EPOR: variants seen among roughly 807,000 people sequenced by gnomAD.
EPOR encodes erythropoietin receptor.
In EPOR, 20 loss-of-function variants were observed where a neutral mutation model predicts 34.3. The ratio of observed to expected loss-of-function variants is 0.58; its 90% CI spans 0.41 to 0.85. EPOR has a LOEUF of 0.85. EPOR is among the 40% of genes least tolerant of loss of function. The pLI, the probability that EPOR is intolerant of heterozygous loss-of-function variation, is 0.00. For missense variants in EPOR, 601 were observed against 672.7 expected, an observed-to-expected ratio of 0.89 and a Z score of 1.18; for synonymous variants, 312 against 299.0, an observed-to-expected ratio of 1.04 and a Z score of -0.45.
chr19:11,381,287 C>A lies in EPOR; in HGVS notation c.586-78G>T. The A allele has an allele frequency of 6.8e-7, 1 of 1,474,948 alleles. No homozygotes were observed. Among genetic ancestry groups the A allele is most frequent in the South Asian group, 1.2e-5 (1 of 82,588 alleles). 91.4% of individuals were successfully genotyped at this position (1,474,948 alleles called of 1,614,324 possible). A position where few individuals can be genotyped will look rare whatever the true frequency, so the allele number is the denominator to read the frequency against. The stretch of plus-strand genomic sequence containing the variant: ...GGGGGCGGGCCCTGGTGGAACTGAG[C>A]CAATCAGGGGAAAGGAAAACGGTGC... On this transcript the variant is annotated intron_variant, in intron 4 of 7. Coordinates refer to ENST00000222139, the MANE Select transcript of EPOR (RefSeq NM_000121.4). The surrounding 1 kb of genome is among the most constrained non-coding windows in gnomAD (Gnocchi z 5.3).
intron 1 of EPOR, 50 bp downstream of exon 1, chr19:11,384,043 C>G: frequency 4.0e-6 from 5 of 1,261,634 alleles, no homozygotes; most frequent in Non-Finnish European, 5.7e-6. Context: ...CAGGCCCCAG[C>G]ATGGTCCTGC....
In EPOR at chr19:11,378,811, A is replaced by G. The variant is rs776257341; in HGVS notation, c.828-33T>C. On this transcript the variant is annotated intron_variant, in intron 6 of 7. Coordinates refer to ENST00000222139, the MANE Select transcript of EPOR (RefSeq NM_000121.4). This position sits in a 1 kb window ranked among gnomAD's most constrained non-coding sequence, Gnocchi z 5.3. ...AGCCAATATAAATAGTTACATAGAT[A>G]TGACTCATTGAATACTCACCAATTC... 1.6e-5 allele frequency: 25 copies of G among 1,602,592 alleles called. No individual in the cohort carries two copies. In the South Asian group the frequency reaches 2.1e-4, roughly 13 times the overall value.
At position 11,378,372 on chromosome 19, in the gene EPOR, G is replaced by C; in HGVS notation, c.1139C>G (p.Pro380Arg). 6.2e-7 allele frequency: 1 copy of C among 1,613,336 alleles called. No homozygotes were observed. The highest frequency in any genetic ancestry group is 8.5e-7 in the Non-Finnish European group (1 of 1,180,002). The stretch of plus-strand genomic sequence containing the variant: ...AGGCCCTGGGAGGTCCTCACTGGGC[G>C]GGTTCCGGGGCAGCAACCATTTGTC... ...VLDKWLLPRN[P>R]PSEDLPGPGG... The change falls in exon 8 of 8, where the codon CCG becomes CGG. Residue 380 changes from proline to arginine, a missense_variant. Pro to Arg is a moderately radical substitution (Grantham distance 103). Coordinates refer to ENST00000222139, the MANE Select transcript of EPOR (RefSeq NM_000121.4). The surrounding 1 kb of genome is among the most constrained non-coding windows in gnomAD (Gnocchi z 5.3).
At position 11,383,085 on chromosome 19, in the gene EPOR, G is replaced by A. The variant is rs1218584215; in HGVS notation, c.251+12C>T. 6.2e-7 allele frequency: 1 copy of A among 1,613,272 alleles called. No homozygotes were observed. Among genetic ancestry groups the A allele is most frequent in the East Asian group, 2.2e-5 (1 of 44,860 alleles). On this transcript the variant is annotated intron_variant, in intron 2 of 7. Transcript: ENST00000222139. This position sits in a 1 kb window ranked among gnomAD's most constrained non-coding sequence, Gnocchi z 4.9. ...CCTCCGCCCTTGGAGGCACCCGCCG[G>A]ATCGGACTCACTCGAGCTGGTAGGA...
chr19:11,377,804 A>G lies in EPOR; in HGVS notation c.*180T>C. Reference sequence around the variant, plus strand: ...ATATATATATATAGATACAAAAAAAAACTATACATATTTAAAAATACTGCA... The same window carrying G: ...ATATATATATATAGATACAAAAAAAGACTATACATATTTAAAAATACTGCA... On this transcript the variant is annotated 3_prime_UTR_variant, in exon 8 of 8. Coordinates refer to ENST00000222139, the MANE Select transcript of EPOR (RefSeq NM_000121.4). The G allele has an allele frequency of 1.3e-6, 1 of 781,364 alleles. No individual in the cohort carries two copies. Among genetic ancestry groups the G allele is most frequent in the Non-Finnish European group, 2.3e-6 (1 of 438,292 alleles). The allele number at this position is 781,364 out of a possible 1,614,324, so 48.4% of individuals were successfully genotyped here.
In EPOR at chr19:11,381,056, C is replaced by G; in HGVS notation, c.739G>C (p.Asp247His). 6.3e-7 allele frequency: 1 copy of G among 1,599,984 alleles called. No individual in the cohort carries two copies. Among genetic ancestry groups the G allele is most frequent in the Non-Finnish European group, 8.5e-7 (1 of 1,173,390 alleles). The change falls in exon 5 of 8, where the codon GAC becomes CAC. Residue 247 changes from aspartate to histidine, a missense_variant and splice_region_variant. By Grantham distance (81) the Asp-to-His change is moderately conservative. Coordinates refer to ENST00000222139, the MANE Select transcript of EPOR (RefSeq NM_000121.4). This position sits in a 1 kb window ranked among gnomAD's most constrained non-coding sequence, Gnocchi z 5.3. ...CCTACACCCCCGCCTGGGGCCTCACCGCTAGGCGTCAGCAGCGACACAGGC... is the reference window on the plus strand; with the variant it reads ...CCTACACCCCCGCCTGGGGCCTCACGGCTAGGCGTCAGCAGCGACACAGGC... ...SEPVSLLTPS[D>H]LDPLILTLSL...
At position 11,381,051 on chromosome 19, in the gene EPOR, C is replaced by T. The variant is rs1231868164; in HGVS notation, c.739+5G>A. 3 of 1,598,256 alleles carry T rather than the reference C, an allele frequency of 1.9e-6. No homozygotes were observed. The highest frequency in any genetic ancestry group is 1.3e-5 in the African/African-American group (1 of 74,754). On this transcript the variant is annotated splice_donor_5th_base_variant and intron_variant, in intron 5 of 7. Transcript: ENST00000222139. This position sits in a 1 kb window ranked among gnomAD's most constrained non-coding sequence, Gnocchi z 5.3. ...CTCCTCCTACACCCCCGCCTGGGGCCTCACCGCTAGGCGTCAGCAGCGACA... is the reference window on the plus strand; with the variant it reads ...CTCCTCCTACACCCCCGCCTGGGGCTTCACCGCTAGGCGTCAGCAGCGACA...
In EPOR at chr19:11,381,172, C is replaced by G; in HGVS notation, c.623G>C (p.Ser208Thr). The part of the protein sequence containing the change: ...ILEGRTECVL[S>T]NLRGRTRYTF... ...GTAGCGCGTCCGGCCCCGCAGGTTGCTCAGCACACACTCGGTGCGGCCCTC... is the reference window on the plus strand; with the variant it reads ...GTAGCGCGTCCGGCCCCGCAGGTTGGTCAGCACACACTCGGTGCGGCCCTC... The change falls in exon 5 of 8, where the codon AGC (serine) becomes ACC (threonine). Residue 208 changes from serine (S) to threonine (T), a missense_variant. Ser to Thr is a moderately conservative substitution (Grantham distance 58). Transcript: ENST00000222139. The surrounding 1 kb of genome is among the most constrained non-coding windows in gnomAD (Gnocchi z 5.3). 1.3e-6 allele frequency: 2 copies of G among 1,552,692 alleles called. No individual in the cohort carries two copies. Among genetic ancestry groups the G allele is most frequent in the Non-Finnish European group, 1.7e-6 (2 of 1,148,548 alleles).
chr19:11,382,826 C>T (rs1375821768), intron 2 of EPOR: 3 of 1,447,484 alleles, frequency 2.1e-6, no homozygotes, highest in Non-Finnish European at 9.2e-7. Context: ...GCGTCCCAGC[C>T]CCGACGTAGT....
chr19:11,379,102 G>T (rs2144695252), intron 6 of EPOR, among the ~76,000 whole-genome samples: 1 of 152,032 alleles, frequency 6.6e-6, no homozygotes, highest in Middle Eastern at 3.4e-3. Context: ...GAGGTGGGAG[G>T]ATCATTTGAA....
Position 11,381,254 on chromosome 19 carries a change from G to C in EPOR, c.586-45C>G, listed in dbSNP as rs567946217. ...GAGGGACGCGTAGCAGACAAAAATA[G>C]ATGACGTGGGGGCGGGCCCTGGTGG... On this transcript the variant is annotated intron_variant, in intron 4 of 7. Coordinates refer to ENST00000222139, the MANE Select transcript of EPOR (RefSeq NM_000121.4). The surrounding 1 kb of genome is among the most constrained non-coding windows in gnomAD (Gnocchi z 5.3). The C allele has an allele frequency of 4.5e-6, 7 of 1,545,864 alleles. No individual in the cohort carries two copies. In the East Asian group the frequency reaches 1.5e-4, roughly 32 times the overall value.
chr19:11,383,364 G>C lies in EPOR; in HGVS notation c.116-132C>G. 1 of 958,900 alleles carries C rather than the reference G, an allele frequency of 1.0e-6. No homozygotes were observed. The highest frequency in any genetic ancestry group is 1.5e-6 in the Non-Finnish European group (1 of 666,006). The allele number at this position is 958,900 out of a possible 1,614,324, so 59.4% of individuals were successfully genotyped here. ...GCCCCGCCCTGCCATCTTCCCAAGC[G>C]GGTCCCTTGGAGGGGTCCGCAGAGG... On this transcript the variant is annotated intron_variant, in intron 1 of 7. Transcript: ENST00000222139. This position sits in a 1 kb window ranked among gnomAD's most constrained non-coding sequence, Gnocchi z 4.9.
At position 11,383,290 on chromosome 19, in the gene EPOR, G is replaced by A. The variant is rs887378428; in HGVS notation, c.116-58C>T. Reference sequence around the variant, plus strand: ...GTCTGAGCTCTATCCTCGGGAGACAGCCCCCTCCTCTTCCCTCCCGCAGCC... The same window carrying A: ...GTCTGAGCTCTATCCTCGGGAGACAACCCCCTCCTCTTCCCTCCCGCAGCC... On this transcript the variant is annotated intron_variant, in intron 1 of 7. Transcript: ENST00000222139. This position sits in a 1 kb window ranked among gnomAD's most constrained non-coding sequence, Gnocchi z 4.9. 2.0e-6 allele frequency: 3 copies of A among 1,483,450 alleles called. No individual in the cohort carries two copies. Among genetic ancestry groups the A allele is most frequent in the East Asian group, 2.3e-5 (1 of 43,728 alleles). The allele number at this position is 1,483,450 out of a possible 1,614,324, so 91.9% of individuals were successfully genotyped here.
In EPOR at chr19:11,380,949, C is replaced by G. The variant is rs746562498; in HGVS notation, c.762G>C (p.Thr254=). Residue 254 remains threonine (T), a synonymous_variant, in exon 6 of 8, where the codon ACG becomes ACC. Transcript: ENST00000222139. ...GGATGACCACGAGGATGAGGGAGAG[C>G]GTCAGGATGAGGGGGTCCAGGTCTA... The part of the protein sequence containing the change: ...TPSDLDPLIL[T]LSLILVVILV... 3.1e-5 allele frequency: 48 copies of G among 1,552,480 alleles called. No individual in the cohort carries two copies. The East Asian group carries it at 1.1e-3, about 36-fold the overall frequency.
At position 11,381,596 on chromosome 19, in the gene EPOR, C is replaced by A. The variant is rs533141447; in HGVS notation, c.585+96G>T. The A allele has an allele frequency of 1.5e-6, 2 of 1,302,870 alleles. No individual in the cohort carries two copies. Among genetic ancestry groups the A allele is most frequent in the African/African-American group, 1.5e-5 (1 of 68,496 alleles). 80.7% of individuals were successfully genotyped at this position (1,302,870 alleles called of 1,614,324 possible). ...GTAATGGGATGTGGGATGTTACGGA[C>A]CGGCCCTGAAAGCGGCACCGGGCGC... On this transcript the variant is annotated intron_variant, in intron 4 of 7. Transcript: ENST00000222139. The surrounding 1 kb of genome is among the most constrained non-coding windows in gnomAD (Gnocchi z 5.3).
Position 11,378,839 on chromosome 19 carries a change from C to CA in EPOR, c.828-62_828-61insT. ...ACTCATTGAATACTCACCAATTCCC[C>CA]CTCCACTCCCAGTCATAGAGGCACA... On this transcript the variant is annotated intron_variant, in intron 6 of 7. Coordinates refer to ENST00000222139, the MANE Select transcript of EPOR (RefSeq NM_000121.4). The surrounding 1 kb of genome is among the most constrained non-coding windows in gnomAD (Gnocchi z 5.3). 6.6e-7 allele frequency: 1 copy of CA among 1,504,280 alleles called. No individual in the cohort carries two copies. Among genetic ancestry groups the CA allele is most frequent in the Non-Finnish European group, 9.2e-7 (1 of 1,086,520 alleles). 93.2% of individuals were successfully genotyped at this position (1,504,280 alleles called of 1,614,324 possible).
At position 11,380,895 on chromosome 19, in the gene EPOR, G is replaced by A. The variant is rs2144696762; in HGVS notation, c.816C>T (p.Leu272=). 6.4e-7 allele frequency: 1 copy of A among 1,551,578 alleles called. No individual in the cohort carries two copies. The highest frequency in any genetic ancestry group is 2.4e-5 in the East Asian group (1 of 40,924). The change falls in exon 6 of 8, where the codon CTC becomes CTT. Residue 272 remains leucine (L), a synonymous_variant. Transcript: ENST00000222139. The stretch of plus-strand genomic sequence containing the variant: ...AATGGGGAGCTCACCGGCGGTGGGA[G>A]AGCAGCGCGAGCACGGTCAGCAGCA... The part of the protein sequence containing the change: ...ILVLLTVLAL[L]SHRRALKQKI...
Position 11,381,223 on chromosome 19 carries a change from C to T in EPOR, c.586-14G>A, listed in dbSNP as rs1968352573. The T allele has an allele frequency of 6.5e-7, 1 of 1,548,908 alleles. No individual in the cohort carries two copies. Among genetic ancestry groups the T allele is most frequent in the Non-Finnish European group, 8.7e-7 (1 of 1,146,950 alleles). On this transcript the variant is annotated splice_polypyrimidine_tract_variant and intron_variant, in intron 4 of 7. Transcript: ENST00000222139. The surrounding 1 kb of genome is among the most constrained non-coding windows in gnomAD (Gnocchi z 5.3). ...CAGGATCTCCACCTGGGGGCGGAAT[C>T]AGGGCGAGGGACGCGTAGCAGACAA... is the stretch of plus-strand genomic sequence containing the variant.
rs1470162763 is a variant in EPOR, at chr19:11,381,002, G to T, written c.740-31C>A. ...AGGCGGGGAGGAGGTCAGGGCGGTGGGCTTGCCCCGTGATTCGCCCTGGCT... is the reference window on the plus strand; with the variant it reads ...AGGCGGGGAGGAGGTCAGGGCGGTGTGCTTGCCCCGTGATTCGCCCTGGCT... On this transcript the variant is annotated intron_variant, in intron 5 of 7. Transcript: ENST00000222139. This position sits in a 1 kb window ranked among gnomAD's most constrained non-coding sequence, Gnocchi z 5.3. 2.6e-6 allele frequency: 4 copies of T among 1,558,360 alleles called. No homozygotes were observed. In the African/African-American group the frequency reaches 5.4e-5, roughly 21 times the overall value.
Sources: gnomAD v4.1 joint callset for allele counts (sites outside exome capture counted in the v4.1 genomes callset) on GRCh38, gnomAD v4.1.1 for gene constraint, Gnocchi (gnomAD v3.1) non-coding constraint, MANE v1.5 for transcripts, NCBI Gene and HGNC (gene_info 2026-07-23, HGNC 2026-07-21) for gene names.